CLEC16A: variants seen among roughly 807,000 people sequenced by gnomAD.
The protein encoded by CLEC16A is protein CLEC16A.
In CLEC16A, 51 loss-of-function variants were observed where a neutral mutation model predicts 109.5. The observed-to-expected ratio is 0.47, with a 90% CI of 0.37 to 0.59. CLEC16A has a LOEUF of 0.59. Ranked by LOEUF, CLEC16A falls within the 20% of genes least tolerant of loss-of-function variation. CLEC16A has a pLI of 0.00. For missense variants in CLEC16A, 1,339 were observed against 1,394.0 expected, an observed-to-expected ratio of 0.96 and a Z score of 0.63; for synonymous variants, 673 against 564.2, an observed-to-expected ratio of 1.19 and a Z score of -2.73.
intron 22 of CLEC16A, among the ~76,000 whole-genome samples, chr16:11,165,296 G>T (rs2068209750): frequency 6.6e-6 from 1 of 151,708 alleles, no homozygotes; most frequent in Admixed American, 6.6e-5. Context: ...TTCAAGACCA[G>T]CCTGGGCAAT....
In CLEC16A at chr16:11,166,382, T is replaced by G; in HGVS notation, c.2642-6T>G. 1 of 1,594,552 alleles carries G rather than the reference T, an allele frequency of 6.3e-7. No homozygotes were observed. Among genetic ancestry groups the G allele is most frequent in the Non-Finnish European group, 8.5e-7 (1 of 1,174,226 alleles). ...CCACTTGGTCACCTGGTACTTTGTCTTGCAGGCTTCGCCGTGGCCCAGTGC... is the reference window on the plus strand; with the variant it reads ...CCACTTGGTCACCTGGTACTTTGTCGTGCAGGCTTCGCCGTGGCCCAGTGC... On this transcript the variant is annotated splice_polypyrimidine_tract_variant and splice_region_variant and intron_variant, in intron 22 of 23. Transcript: ENST00000409790.
chr16:11,049,859 C>T (rs950935454), intron 17 of CLEC16A, among the ~76,000 whole-genome samples: 2 of 152,218 alleles, frequency 1.3e-5, no homozygotes, highest in African/African-American at 4.8e-5. Context: ...GCAGGAACTG[C>T]CACCCCTGCG....
At chr16:11,087,271 C>T (rs1427435877) in intron 19 of CLEC16A, among the ~76,000 whole-genome samples, 2 of 151,920 alleles carry the variant, frequency 1.3e-5, no homozygotes, top group African/African-American at 4.8e-5. Flanking sequence ...TTAAGGCTCC[C>T]CTGGGACCCC....
At chr16:11,071,033 C>G (rs1030594265) in intron 19 of CLEC16A, 4 of 152,236 alleles carry the variant, frequency 2.6e-5, no homozygotes, top group African/African-American at 7.2e-5. Context: ...GCCCCAGCTT[C>G]TTTGCAGACA....
chr16:10,992,395 A>G (rs927903602), intron 10 of CLEC16A, among the ~76,000 whole-genome samples: 1 of 151,936 alleles, frequency 6.6e-6, no homozygotes, highest in African/African-American at 2.4e-5. Flanking sequence ...CAGAGTTTTG[A>G]ATGTTCTCAC....
intron 19 of CLEC16A, among the ~76,000 whole-genome samples, chr16:11,075,725 CT>C (rs2049332153): frequency 6.6e-6 from 1 of 152,100 alleles, no homozygotes; most frequent in Non-Finnish European, 1.5e-5. Flanking sequence ...GTGTGAGCCC[CT>C]GCGCCTGGCC....
chr16:11,140,211 G>A (rs143007402), intron 22 of CLEC16A, among the ~76,000 whole-genome samples: 4 of 152,232 alleles, frequency 2.6e-5, no homozygotes, highest in East Asian at 1.9e-4. Context: ...TGACCTCACC[G>A]GCCCACAGCT....
chr16:11,155,249 C>T (rs996690910), intron 22 of CLEC16A, among the ~76,000 whole-genome samples: 4 of 152,126 alleles, frequency 2.6e-5, no homozygotes, highest in African/African-American at 9.7e-5. Context: ...TTAATGCTTT[C>T]ATCCTCACGA....
At chr16:11,058,658 T>A (rs1418181780) in intron 18 of CLEC16A, among the ~76,000 whole-genome samples, 2 of 152,202 alleles carry the variant, frequency 1.3e-5, no homozygotes, top group Admixed American at 6.5e-5. Context: ...ATCCATGTGT[T>A]GTTTGCAAGG....
At chr16:11,122,425 C>G (rs562735731) in intron 20 of CLEC16A, among the ~76,000 whole-genome samples, 105 of 152,268 alleles carry the variant, frequency 6.9e-4, no homozygotes, top group African/African-American at 2.4e-3. Flanking sequence ...AAGTGTTTTT[C>G]TCCCCTGAAG....
intron 8 of CLEC16A, 115 bp downstream of exon 8, chr16:10,977,514 TTG>T: frequency 1.1e-5 from 11 of 970,120 alleles, no homozygotes; most frequent in Non-Finnish European, 1.5e-5. Context: ...GGTTTTTTTT[TTG>T]TTTGTTTGTT....
intron 19 of CLEC16A, among the ~76,000 whole-genome samples, chr16:11,099,181 A>G (rs1239208841): frequency 6.6e-6 from 1 of 152,166 alleles, no homozygotes; most frequent in Non-Finnish European, 1.5e-5. Context: ...AGGCTGCTTC[A>G]TGCCACCCGG....
intron 19 of CLEC16A, among the ~76,000 whole-genome samples, chr16:11,071,347 A>G (rs760581965): frequency 1.3e-5 from 2 of 152,182 alleles, no homozygotes; most frequent in Non-Finnish European, 2.9e-5. Context: ...AATCCAGAAT[A>G]CGGAACATTC....
rs369310537 is a variant in CLEC16A, at chr16:11,036,862, A to G, written c.1538-2892A>G. On this transcript the variant is annotated intron_variant, in intron 13 of 23. Transcript: ENST00000409790. ...CCGTGCCCGGCCTAACTTTCCTTTTATAACACGAATGATAAGGAAACACAT... is the reference window on the plus strand; with the variant it reads ...CCGTGCCCGGCCTAACTTTCCTTTTGTAACACGAATGATAAGGAAACACAT... 9.8e-5 allele frequency among the ~76,000 whole-genome samples: 15 copies of G among 152,300 alleles called. 1 individual carries two copies. In the South Asian group the frequency reaches 2.9e-3, roughly 29 times the overall value.
intron 22 of CLEC16A, among the ~76,000 whole-genome samples, chr16:11,140,158 G>T (rs1359690480): frequency 6.6e-6 from 1 of 152,150 alleles, no homozygotes; most frequent in African/African-American, 2.4e-5. Flanking sequence ...CAGAGCTTCT[G>T]GGGTAACCTA....
chr16:11,031,087 C>G (rs561111463), intron 13 of CLEC16A, among the ~76,000 whole-genome samples: 1 of 152,250 alleles, frequency 6.6e-6, no homozygotes, highest in South Asian at 2.1e-4. Flanking sequence ...TTTTTTCTCT[C>G]CCATTCTGGA....
At position 11,179,177 on chromosome 16, in the gene CLEC16A, C is replaced by A. The variant is rs1375719851; in HGVS notation, c.*487C>A. 1 of 154,618 alleles carries A rather than the reference C, an allele frequency of 6.5e-6. No individual in the cohort carries two copies. The allele number at this position is 154,618 out of a possible 1,614,324, so 9.6% of individuals were successfully genotyped here. On this transcript the variant is annotated 3_prime_UTR_variant, in exon 24 of 24. Coordinates refer to ENST00000409790, the MANE Select transcript of CLEC16A (RefSeq NM_015226.3). ...AGGTGAACATTTATTTTTAAAACTT[C>A]TATTTAAAAGAAGTCCAAAAACATC...
At chr16:11,094,716 C>T (rs981891776) in intron 19 of CLEC16A, among the ~76,000 whole-genome samples, 3 of 152,224 alleles carry the variant, frequency 2.0e-5, no homozygotes, top group African/African-American at 7.2e-5. Flanking sequence ...CTCTCATTTC[C>T]CTCCTGCCTC....
intron 22 of CLEC16A, among the ~76,000 whole-genome samples, chr16:11,138,394 TG>T (rs1361264610): frequency 6.6e-6 from 1 of 152,174 alleles, no homozygotes; most frequent in African/African-American, 2.4e-5. Flanking sequence ...GCTTGCCCCA[TG>T]GTTCGAATTT....
Sources: allele counts gnomAD v4.1 joint callset (sites outside exome capture counted in the v4.1 genomes callset), GRCh38; gene constraint gnomAD v4.1.1; transcripts MANE v1.5; gene names NCBI Gene and HGNC (gene_info 2026-07-23, HGNC 2026-07-21).